The following NKTR variants were observed in gnomAD, a reference collection of about 807,000 sequenced individuals.
NKTR encodes natural killer cell triggering receptor, also known as NK-tumor recognition protein.
In NKTR, 67 loss-of-function variants were observed where a neutral mutation model predicts 156.3. That is an observed-to-expected ratio of 0.43 (90% CI 0.35 to 0.53). NKTR has a LOEUF of 0.53. NKTR is among the 20% of genes least tolerant of loss of function. The pLI, the probability that NKTR is intolerant of heterozygous loss-of-function variation, is 0.01. For missense variants in NKTR, 1,604 were observed against 1,730.9 expected (o/e 0.93, Z 1.30); for synonymous variants, 640 against 596.6 (o/e 1.07, Z -1.06).
Position 42,641,955 on chromosome 3 carries a change from C to A in NKTR, c.4047-546C>A, listed in dbSNP as rs568037355. ...CTATGTCCCAAAGTTAACCATTATT[C>A]TAAACTTTGGTTATAATTTTGTTGT... On this transcript the variant is annotated intron_variant, in intron 13 of 16. Transcript: ENST00000232978. 1.1e-4 allele frequency among the ~76,000 whole-genome samples: 17 copies of A among 150,732 alleles called. No individual in the cohort carries two copies. The South Asian group carries it at 3.6e-3, about 31-fold the overall frequency.
intron 6 of NKTR, among the ~76,000 whole-genome samples, chr3:42,622,034 C>T (rs1268572118): frequency 6.6e-6 from 1 of 151,896 alleles, no homozygotes; most frequent in Admixed American, 6.6e-5. Flanking sequence ...GTTGAGCGAG[C>T]ATTTTAAAAA....
Position 42,639,422 on chromosome 3 carries a change from G to A in NKTR, c.3718G>A (p.Ala1240Thr). The change falls in exon 13 of 17, where the codon GCT (alanine) becomes ACT (threonine). Residue 1240 changes from alanine to threonine, a missense_variant. Physicochemically the swap from Ala to Thr is moderately conservative, Grantham distance 58. Around this residue, in one of 6 missense-constraint regions of NKTR, gnomAD observed 1,255 missense variants for 1,243.7 expected, o/e 1.01. Transcript: ENST00000232978. ...QGVGNLAAPN[A>T]ATSSAVEVKV... ...TGTGGGGAACCTGGCAGCACCTAAT[G>A]CTGCCACATCCAGTGCTGTGGAAGT... is the stretch of plus-strand genomic sequence containing the variant. The A allele has an allele frequency of 6.2e-7, 1 of 1,614,130 alleles. No homozygotes were observed. Among genetic ancestry groups the A allele is most frequent in the Non-Finnish European group, 8.5e-7 (1 of 1,179,980 alleles).
At position 42,632,679 on chromosome 3, in the gene NKTR, C is replaced by T; in HGVS notation, c.629C>T (p.Ser210Leu). 1.2e-6 allele frequency: 2 copies of T among 1,613,844 alleles called. No individual in the cohort carries two copies. The highest frequency in any genetic ancestry group is 2.7e-5 in the African/African-American group (2 of 75,022). ...SSSNSSSSSE[S>L]SSESELEHER... Reference sequence around the variant, plus strand: ...TCCAATTCCTCCTCTTCTTCAGAATCATCTTCAGAAAGTGAACTTGAACAT... The same window carrying T: ...TCCAATTCCTCCTCTTCTTCAGAATTATCTTCAGAAAGTGAACTTGAACAT... Residue 210 changes from serine to leucine, a missense_variant, in exon 9 of 17, where the codon TCA (serine) becomes TTA (leucine). Coordinates refer to ENST00000232978, the MANE Select transcript of NKTR (RefSeq NM_005385.4).
chr3:42,617,767 AAAG>A (rs1707515034), intron 3 of NKTR, 123 bp downstream of exon 3: 8 of 578,232 alleles, frequency 1.4e-5, no homozygotes, highest in Middle Eastern at 2.9e-4. Flanking sequence ...TAAAAAAAAA[AAAG>A]AGTTACTTAT....
At chr3:42,623,296 G>C (rs1708080503) in intron 6 of NKTR, among the ~76,000 whole-genome samples, 1 of 151,914 alleles carries the variant, frequency 6.6e-6, no homozygotes, top group Non-Finnish European at 1.5e-5. Flanking sequence ...TACTTTAGAT[G>C]GCAGTAAAAT....
intron 2 of NKTR, among the ~76,000 whole-genome samples, chr3:42,606,482 T>C (rs1706249343): frequency 6.6e-6 from 1 of 152,118 alleles, no homozygotes. Flanking sequence ...AGGTAGACCT[T>C]TGATTTTGGT....
Position 42,643,989 on chromosome 3 carries a change from T to C in NKTR, c.4287T>C (p.Tyr1429=), listed in dbSNP as rs772831559. The C allele has an allele frequency of 3.7e-6, 6 of 1,613,478 alleles. No individual in the cohort carries two copies. The highest frequency in any genetic ancestry group is 1.1e-5 in the South Asian group (1 of 91,070). ...ACAGTTACCACCGAGGCAGAAGTTA[T>C]AATCGGCGGTCCAGGTGGGTCTCTC... is the stretch of plus-strand genomic sequence containing the variant. ...RSDSYHRGRS[Y]NRRSRSCRSY... is the part of the protein sequence containing the mutation. The change falls in exon 16 of 17, where the codon TAT becomes TAC. Residue 1429 remains tyrosine (Y), a synonymous_variant. Transcript: ENST00000232978.
chr3:42,600,722 A>C lies in NKTR; in HGVS notation c.-80A>C. On this transcript the variant is annotated 5_prime_UTR_variant, in exon 1 of 17. Coordinates refer to ENST00000232978, the MANE Select transcript of NKTR (RefSeq NM_005385.4). ...GTTAGCGGCGTTGGGGTTTGGCTGCAGTGGCAGTGCTTTCTCTTCTGCTCA... is the reference window on the plus strand; with the variant it reads ...GTTAGCGGCGTTGGGGTTTGGCTGCCGTGGCAGTGCTTTCTCTTCTGCTCA... The C allele has an allele frequency of 1.4e-5, 4 of 287,692 alleles. No homozygotes were observed. Among genetic ancestry groups the C allele is most frequent in the Admixed American group, 5.4e-5 (1 of 18,682 alleles). 17.8% of individuals were successfully genotyped at this position (287,692 alleles called of 1,614,324 possible).
chr3:42,608,191 A>G (rs751372121), intron 2 of NKTR, among the ~76,000 whole-genome samples: 26 of 151,494 alleles, frequency 1.7e-4, no homozygotes, highest in African/African-American at 3.4e-4. Flanking sequence ...GGGTTTCACT[A>G]TGTTGGTCAG....
chr3:42,644,307 C>G (rs141166502), intron 16 of NKTR, among the ~76,000 whole-genome samples: 32 of 152,260 alleles, frequency 2.1e-4, no homozygotes, highest in African/African-American at 7.7e-4. Context: ...ACCATGGCCA[C>G]TTGCTTAAAT....
At chr3:42,629,833 G>A in intron 6 of NKTR, 1 of 985,264 alleles carries the variant, frequency 1.0e-6, no homozygotes. Context: ...CTGACAGTTG[G>A]TGACTGTAGA....
At position 42,637,549 on chromosome 3, in the gene NKTR, C is replaced by G. The variant is rs186072881; in HGVS notation, c.1845C>G (p.Pro615=). 163 of 1,613,972 alleles carry G rather than the reference C, an allele frequency of 1.0e-4. No individual in the cohort carries two copies. In the East Asian group the frequency reaches 3.1e-3, roughly 30 times the overall value. ...IPVIPLSDSP[P]PSRWKPGQKP... ...TAATACCACTGAGTGACAGTCCCCC[C>G]CCTTCAAGATGGAAGCCTGGACAGA... The change falls in exon 13 of 17, where the codon CCC becomes CCG. Residue 615 remains proline (P), a synonymous_variant. Transcript: ENST00000232978.
intron 6 of NKTR, among the ~76,000 whole-genome samples, chr3:42,624,718 C>T (rs985007133): frequency 2.0e-5 from 3 of 152,146 alleles, no homozygotes; most frequent in Admixed American, 2.0e-4. Flanking sequence ...TTATTAACCA[C>T]TCTGCTCTGA....
At chr3:42,631,688 G>C (rs960157752) in intron 8 of NKTR, among the ~76,000 whole-genome samples, 3 of 152,126 alleles carry the variant, frequency 2.0e-5, no homozygotes, top group African/African-American at 7.2e-5. Context: ...TTGAACCATA[G>C]TTTGCATTCA....
rs752594603 is a variant in NKTR, at chr3:42,637,161, G to A, written c.1457G>A (p.Arg486His). Reference protein sequence around the residue: ...KSSCDRERSSRSSSLSSHHSS... With the variant: ...KSSCDRERSSHSSSLSSHHSS... Reference sequence around the variant, plus strand: ...TCTTGTGATAGAGAAAGGAGTTCTCGTTCTTCCTCATTGTCATCTCATCAC... The same window carrying A: ...TCTTGTGATAGAGAAAGGAGTTCTCATTCTTCCTCATTGTCATCTCATCAC... Residue 486 changes from arginine (R) to histidine (H), a missense_variant, in exon 13 of 17, where the codon CGT becomes CAT. By Grantham distance (29) the Arg-to-His change is conservative. Transcript: ENST00000232978. 28 of 1,611,688 alleles carry A rather than the reference G, an allele frequency of 1.7e-5. No homozygotes were observed. The highest frequency in any genetic ancestry group is 5.0e-5 in the Admixed American group (3 of 59,454).
intron 2 of NKTR, among the ~76,000 whole-genome samples, chr3:42,610,234 C>A (rs901759964): frequency 6.6e-6 from 1 of 152,106 alleles, no homozygotes; most frequent in African/African-American, 2.4e-5. Context: ...GAACTCCCGA[C>A]CTCAGGTGAT....
At chr3:42,615,250 T>C (rs1175912180) in intron 2 of NKTR, among the ~76,000 whole-genome samples, 1 of 152,040 alleles carries the variant, frequency 6.6e-6, no homozygotes, top group Non-Finnish European at 1.5e-5. Flanking sequence ...GGCTAATTTT[T>C]GTATTTTTAG....
chr3:42,607,995 T>TTTTTTTTTTTTTTTTTTTG (rs1706396546), intron 2 of NKTR, among the ~76,000 whole-genome samples: 1 of 72,380 alleles, frequency 1.4e-5, no homozygotes, highest in Non-Finnish European at 2.7e-5. Context: ...TTTTTTTTTT[T>TTTTTTTTTTTTTTTTTTTG]TTTTTTTTTT....
rs1707657466 is a variant in NKTR at position 42,618,931 on chromosome 3, A to C, written c.134-89A>C. 3 of 1,137,254 alleles carry C rather than the reference A, an allele frequency of 2.6e-6. No individual in the cohort carries two copies. In the South Asian group the frequency reaches 4.7e-5, roughly 18 times the overall value. The allele number at this position is 1,137,254 out of a possible 1,614,324, so 70.4% of individuals were successfully genotyped here. A position where few individuals can be genotyped will look rare whatever the true frequency, so the allele number is the denominator to read the frequency against. ...TTCCAGTGCCTAGCACACAGGAAAG[A>C]TTTGACACAGGATTAATTGGTTTGT... On this transcript the variant is annotated intron_variant, in intron 3 of 16. Coordinates refer to ENST00000232978, the MANE Select transcript of NKTR (RefSeq NM_005385.4).
Sources: gnomAD v4.1 joint callset for allele counts (sites outside exome capture counted in the v4.1 genomes callset) on GRCh38, gnomAD v4.1.1 for gene constraint, gnomAD v4.1.1 regional missense constraint, MANE v1.5 for transcripts, NCBI Gene and HGNC (gene_info 2026-07-23, HGNC 2026-07-21) for gene names.